The following DGKB variants were observed in gnomAD, a reference collection of about 807,000 sequenced individuals.
DGKB encodes diacylglycerol kinase beta.
In DGKB, 67 loss-of-function variants were observed where a neutral mutation model predicts 114.3. That is an observed-to-expected ratio of 0.59 (90% CI 0.48 to 0.72). The LOEUF (loss-of-function observed/expected upper bound fraction) is 0.72, where lower values mean the gene tolerates loss of function less well. Among genes scored for constraint, DGKB ranks in the 30% least tolerant of loss-of-function variants. The pLI, the probability that DGKB is intolerant of heterozygous loss-of-function variation, is 0.00. For missense variants in DGKB, 907 were observed against 975.2 expected (o/e 0.93, Z 0.93); for synonymous variants, 398 against 323.1 (o/e 1.23, Z -2.49).
intron 4 of DGKB, among the ~76,000 whole-genome samples, chr7:14,739,468 G>A (rs191667179): frequency 6.6e-6 from 1 of 152,186 alleles, no homozygotes; most frequent in Admixed American, 6.5e-5. Flanking sequence ...GTGGAAACCC[G>A]AATGCAGGAC....
rs543919806 is a variant in DGKB at position 14,864,592 on chromosome 7, A to C, written c.-187-23142T>G. Among the ~76,000 whole-genome samples the C allele has an allele frequency of 1.2e-3, 187 of 152,344 alleles. 1 individual carries two copies. Among genetic ancestry groups the C allele is most frequent in the Non-Finnish European group, 2.2e-3 (151 of 68,030 alleles). ...GTTATGCCCAGGTATATTGAGTGAT[A>C]GGAAACAATTGATTCCGGGCTTTAG... On this transcript the variant is annotated intron_variant, in intron 1 of 25. Coordinates refer to ENST00000402815, the MANE Select transcript of DGKB (RefSeq NM_001350709.2).
chr7:14,490,204 T>G (rs557203918), intron 20 of DGKB, among the ~76,000 whole-genome samples: 1 of 152,256 alleles, frequency 6.6e-6, no homozygotes, highest in African/African-American at 2.4e-5. Context: ...TAGCCAAAAC[T>G]TAAACCAGAA....
intron 1 of DGKB, among the ~76,000 whole-genome samples, chr7:14,947,038 T>C (rs1785923619): frequency 6.6e-6 from 1 of 151,570 alleles, no homozygotes. Flanking sequence ...CATAGAGAGT[T>C]TGTTTTACTT....
intron 1 of DGKB, among the ~76,000 whole-genome samples, chr7:14,963,975 T>C (rs1180516751): frequency 2.0e-5 from 3 of 152,136 alleles, no homozygotes; most frequent in African/African-American, 4.8e-5. Flanking sequence ...CACAGATGTA[T>C]GATATTTGTT....
intron 17 of DGKB, among the ~76,000 whole-genome samples, chr7:14,597,271 GA>G (rs1438107389): frequency 6.6e-6 from 1 of 152,008 alleles, no homozygotes; most frequent in Non-Finnish European, 1.5e-5. Flanking sequence ...GTAACTAAAT[GA>G]AAAATACATG....
rs548104173 is a variant in DGKB, at chr7:14,411,763, T to G, written c.1836-66372A>C. 8.3e-4 allele frequency among the ~76,000 whole-genome samples: 9 copies of G among 10,794 alleles called. No homozygotes were observed. The South Asian group carries it at 0.019, about 23-fold the overall frequency. 7.1% of individuals were successfully genotyped at this position (10,794 alleles called of 152,430 possible). On this transcript the variant is annotated intron_variant, in intron 21 of 25. Transcript: ENST00000402815. ...TAGTTTCTCATCTTTCTCCCCTACC[T>G]CTTTCTTTTTTTTCTGGAAATAATT...
intron 23 of DGKB, among the ~76,000 whole-genome samples, chr7:14,317,666 C>T: frequency 9.0e-6 from 1 of 110,534 alleles, no homozygotes; most frequent in South Asian, 4.1e-4. Flanking sequence ...ACATTCCATG[C>T]TCATGGGTAG....
intron 20 of DGKB, among the ~76,000 whole-genome samples, chr7:14,561,212 G>A (rs1183513025): frequency 6.6e-6 from 1 of 152,098 alleles, no homozygotes; most frequent in Non-Finnish European, 1.5e-5. Flanking sequence ...ATAATGGAGA[G>A]TTCCCCTGCA....
intron 20 of DGKB, among the ~76,000 whole-genome samples, chr7:14,497,237 A>C (rs1785439724): frequency 6.6e-6 from 1 of 151,792 alleles, no homozygotes; most frequent in Non-Finnish European, 1.5e-5. Flanking sequence ...ATTGCATATG[A>C]TGTAAACTAT....
chr7:14,388,903 T>C (rs1820867447), intron 21 of DGKB, among the ~76,000 whole-genome samples: 1 of 152,166 alleles, frequency 6.6e-6, no homozygotes, highest in Non-Finnish European at 1.5e-5. Context: ...GGCTTTTATA[T>C]AGAATTTCAA....
chr7:14,807,159 G>A (rs998496417), intron 2 of DGKB, among the ~76,000 whole-genome samples: 11 of 151,902 alleles, frequency 7.2e-5, no homozygotes, highest in South Asian at 2.1e-4. Flanking sequence ...AATTCCCTCC[G>A]TGTCTCTTTC....
chr7:14,807,624 G>T (rs1038364304), intron 2 of DGKB, among the ~76,000 whole-genome samples: 1 of 151,936 alleles, frequency 6.6e-6, no homozygotes, highest in Non-Finnish European at 1.5e-5. Flanking sequence ...AAACGACGTA[G>T]AAAGAGATAG....
chr7:14,629,269 T>A (rs1809226412), intron 14 of DGKB, among the ~76,000 whole-genome samples: 1 of 152,200 alleles, frequency 6.6e-6, no homozygotes, highest in Middle Eastern at 3.4e-3. Flanking sequence ...CCAACTCACT[T>A]AAAGAATATA....
intron 1 of DGKB, among the ~76,000 whole-genome samples, chr7:14,847,640 C>T (rs983846123): frequency 6.6e-6 from 1 of 152,086 alleles, no homozygotes; most frequent in Non-Finnish European, 1.5e-5. Context: ...GAAAGAGCTA[C>T]AATAACTAAA....
At chr7:14,215,389 C>T (rs1168446203) in intron 23 of DGKB, among the ~76,000 whole-genome samples, 1 of 152,054 alleles carries the variant, frequency 6.6e-6, no homozygotes, top group Admixed American at 6.6e-5. Flanking sequence ...TGCAGGGCCC[C>T]ATAGTAAGCA....
intron 21 of DGKB, among the ~76,000 whole-genome samples, chr7:14,367,052 C>A (rs1026944620): frequency 6.6e-6 from 1 of 152,078 alleles, no homozygotes. Context: ...TGATCCTTTC[C>A]CAGGCTAGAG....
intron 15 of DGKB, among the ~76,000 whole-genome samples, chr7:14,617,442 T>A (rs1326193911): frequency 6.6e-6 from 1 of 151,562 alleles, no homozygotes; most frequent in African/African-American, 2.4e-5. Flanking sequence ...TCCCATCACA[T>A]CTCTCTACTT....
At chr7:14,651,567 C>T (rs1459467861) in intron 13 of DGKB, among the ~76,000 whole-genome samples, 1 of 145,408 alleles carries the variant, frequency 6.9e-6, no homozygotes, top group Non-Finnish European at 1.5e-5. Flanking sequence ...AAACTGGAAG[C>T]ATTCCCTTTG....
intron 22 of DGKB, among the ~76,000 whole-genome samples, chr7:14,343,580 C>G (rs529259351): frequency 1.4e-4 from 21 of 151,512 alleles, no homozygotes; most frequent in African/African-American, 5.1e-4. Context: ...AGATCAACAG[C>G]TTTTAAATCT....
Sources: allele counts gnomAD v4.1 joint callset (sites outside exome capture counted in the v4.1 genomes callset), GRCh38; gene constraint gnomAD v4.1.1; transcripts MANE v1.5; gene names NCBI Gene and HGNC (gene_info 2026-07-23, HGNC 2026-07-21).